The following ZNF827 variants were observed in gnomAD, a reference collection of about 807,000 sequenced individuals.
ZNF827 encodes the protein zinc finger protein 827.
In ZNF827, 13 loss-of-function variants were observed where a neutral mutation model predicts 102.4. That is an observed-to-expected ratio of 0.13 (90% CI 0.08 to 0.20). The LOEUF (loss-of-function observed/expected upper bound fraction) is 0.20, where lower values mean the gene tolerates loss of function less well. Among genes scored for constraint, ZNF827 ranks in the 10% least tolerant of loss-of-function variants. The pLI is 1.00. For missense variants in ZNF827, 1,103 were observed against 1,344.4 expected, an observed-to-expected ratio of 0.82 and a Z score of 2.81; for synonymous variants, 523 against 536.2, an observed-to-expected ratio of 0.98 and a Z score of 0.34.
intron 1 of ZNF827, among the ~76,000 whole-genome samples, chr4:145,912,709 T>A (rs922180375): frequency 1.3e-5 from 2 of 152,210 alleles, no homozygotes; most frequent in Admixed American, 1.3e-4. Context: ...TATGCTATCA[T>A]AAGCCTAGAA....
intron 8 of ZNF827, among the ~76,000 whole-genome samples, chr4:145,795,039 C>A (rs889563554): frequency 2.0e-5 from 3 of 152,234 alleles, no homozygotes; most frequent in Non-Finnish European, 2.9e-5. Flanking sequence ...CAGTCAGTGG[C>A]TGGCAGACAG....
chr4:145,774,837 G>A (rs971646575), intron 10 of ZNF827, among the ~76,000 whole-genome samples, 165 bp from the exon 11 acceptor site: 19 of 152,264 alleles, frequency 1.2e-4, no homozygotes, highest in Non-Finnish European at 2.1e-4. Context: ...TGCTTTCTGG[G>A]ATGCCTCTAA....
intron 4 of ZNF827, among the ~76,000 whole-genome samples, chr4:145,882,867 G>T (rs1047987599): frequency 6.6e-6 from 1 of 152,082 alleles, no homozygotes; most frequent in Non-Finnish European, 1.5e-5. Context: ...CCGTTATAAC[G>T]CCAAGGGACA....
At position 145,849,505 on chromosome 4, in the gene ZNF827, C is replaced by T. The variant is rs757994158; in HGVS notation, c.2038G>A (p.Asp680Asn). 1.9e-6 allele frequency: 3 copies of T among 1,614,208 alleles called. No individual in the cohort carries two copies. The highest frequency in any genetic ancestry group is 4.5e-5 in the East Asian group (2 of 44,874). ...VKIKEEPMEV[D>N]IQDSHVSISP... ...ATCGAGACATGGGAGTCCTGGATGT[C>T]AACCTCCATGGGTTCCTCTTTAATC... Residue 680 changes from aspartate to asparagine, a missense_variant, in exon 6 of 15, where the codon GAC becomes AAC. By Grantham distance (23) the Asp-to-Asn change is conservative. Transcript: ENST00000508784.
chr4:145,832,345 C>T (rs1293620093), intron 7 of ZNF827: 2 of 147,626 alleles, frequency 1.4e-5, no homozygotes, highest in Non-Finnish European at 3.0e-5. Flanking sequence ...AGAGCAAATA[C>T]AAATGTCTCC....
chr4:145,885,649 AG>A (rs1750054885), intron 4 of ZNF827, 28 bp downstream of exon 4: 7 of 1,486,564 alleles, frequency 4.7e-6, no homozygotes, highest in Middle Eastern at 1.8e-4. Context: ...AGAGAGAGAG[AG>A]AGAGAGAATA....
intron 3 of ZNF827, among the ~76,000 whole-genome samples, chr4:145,890,391 G>A (rs1750499909): frequency 6.6e-6 from 1 of 152,150 alleles, no homozygotes; most frequent in Admixed American, 6.5e-5. Flanking sequence ...CAAAGCCCTT[G>A]CAGCTCTCAT....
At chr4:145,845,917 C>T (rs375667896) in intron 7 of ZNF827, 39 bp downstream of exon 7, 1 of 1,611,736 alleles carries the variant, frequency 6.2e-7, no homozygotes, top group Non-Finnish European at 8.5e-7. Flanking sequence ...TGGTGGCCCA[C>T]ACGGGGTGTT....
At chr4:145,767,144 G>A (rs1735428930) in intron 11 of ZNF827, among the ~76,000 whole-genome samples, 1 of 152,130 alleles carries the variant, frequency 6.6e-6, no homozygotes, top group Non-Finnish European at 1.5e-5. Flanking sequence ...TCGCAGACAA[G>A]GACATTAAAA....
chr4:145,903,186 C>T lies in ZNF827; in HGVS notation c.73G>A (p.Glu25Lys). 6.2e-7 allele frequency: 1 copy of T among 1,611,616 alleles called. No homozygotes were observed. The highest frequency in any genetic ancestry group is 1.3e-5 in the African/African-American group (1 of 75,004). The change falls in exon 2 of 15, where the codon GAG (glutamate) becomes AAG (lysine). Residue 25 changes from glutamate to lysine, a missense_variant. Glu to Lys is a moderately conservative substitution (Grantham distance 56). Coordinates refer to ENST00000508784, the MANE Select transcript of ZNF827 (RefSeq NM_001306215.2). ...HVSRQEEAEGELSEGEHWYGN... is the reference protein window; with the variant it reads ...HVSRQEEAEGKLSEGEHWYGN... ...TACCAGTGTTCTCCTTCACTGAGCT[C>T]TCCCTCCGCCTCTTCCTGCCTACTA... is the stretch of plus-strand genomic sequence containing the variant.
At chr4:145,819,933 T>C (rs1255345369) in intron 8 of ZNF827, 1 of 152,270 alleles carries the variant, frequency 6.6e-6, no homozygotes, top group East Asian at 1.9e-4. Flanking sequence ...TCTGTGTTTA[T>C]TCTGTTTCTC....
Position 145,763,173 on chromosome 4 carries a change from A to C in ZNF827, c.3231-51T>G. On this transcript the variant is annotated intron_variant, in intron 13 of 14. Transcript: ENST00000508784. The surrounding 1 kb of genome is among the most constrained non-coding windows in gnomAD (Gnocchi z 4.6). ...TAATCTTATTTGATCTGCATTATGA[A>C]CAGGATATAGAGTACAAGCAGTTCC... 1 of 1,523,612 alleles carries C rather than the reference A, an allele frequency of 6.6e-7. No homozygotes were observed. The highest frequency in any genetic ancestry group is 2.0e-5 in the Admixed American group (1 of 50,856). 94.4% of individuals were successfully genotyped at this position (1,523,612 alleles called of 1,614,324 possible).
chr4:145,849,256 A>T (rs1365314640), intron 6 of ZNF827, 66 bp downstream of exon 6: 3 of 1,531,124 alleles, frequency 2.0e-6, no homozygotes, highest in Non-Finnish European at 2.6e-6. Flanking sequence ...TTTAAAAAAA[A>T]CTGTGTTAGA....
At chr4:145,931,960 G>A (rs1204241130) in intron 1 of ZNF827, among the ~76,000 whole-genome samples, 1 of 152,208 alleles carries the variant, frequency 6.6e-6, no homozygotes, top group Non-Finnish European at 1.5e-5. Flanking sequence ...TAGTATTAGA[G>A]ATGGGGCCTT....
At chr4:145,843,206 AG>A (rs1312682318) in intron 7 of ZNF827, among the ~76,000 whole-genome samples, 1 of 143,626 alleles carries the variant, frequency 7.0e-6, no homozygotes, top group Non-Finnish European at 1.5e-5. Flanking sequence ...TAATCAAGTA[AG>A]CTGCCTCTAC....
chr4:145,807,851 A>C (rs1741629830), intron 8 of ZNF827, among the ~76,000 whole-genome samples: 1 of 152,130 alleles, frequency 6.6e-6, no homozygotes, highest in Non-Finnish European at 1.5e-5. Flanking sequence ...AGGCATGGCA[A>C]GTCTTAGTAT....
Position 145,885,969 on chromosome 4 carries a change from G to A in ZNF827, c.1456C>T (p.Leu486=). The change falls in exon 4 of 15, where the codon CTG becomes TTG. Residue 486 remains leucine (L), a synonymous_variant. Coordinates refer to ENST00000508784, the MANE Select transcript of ZNF827 (RefSeq NM_001306215.2). ...GSPHLSDSAC[L]GQQREGGGTE... is the part of the protein sequence containing the mutation. ...CCTCCTCCTTCCCTTTGCTGCCCCA[G>A]GCAGGCACTGTCACTGAGGTGGGGA... 1 of 1,614,088 alleles carries A rather than the reference G, an allele frequency of 6.2e-7. No individual in the cohort carries two copies. The highest frequency in any genetic ancestry group is 8.5e-7 in the Non-Finnish European group (1 of 1,179,984).
chr4:145,785,155 G>A (rs1029911138), intron 8 of ZNF827, among the ~76,000 whole-genome samples: 1 of 152,200 alleles, frequency 6.6e-6, no homozygotes, highest in African/African-American at 2.4e-5. Flanking sequence ...AGTGTAAGGA[G>A]AACGATCTCA....
intron 8 of ZNF827, among the ~76,000 whole-genome samples, chr4:145,805,160 T>TGTGC (rs1203224601): frequency 6.6e-6 from 1 of 150,798 alleles, no homozygotes; most frequent in Non-Finnish European, 1.5e-5. Flanking sequence ...TGTGTGTGTG[T>TGTGC]GCATTTGTGT....
Sources: gnomAD v4.1 joint callset for allele counts (sites outside exome capture counted in the v4.1 genomes callset) on GRCh38, gnomAD v4.1.1 for gene constraint, Gnocchi (gnomAD v3.1) non-coding constraint, MANE v1.5 for transcripts, NCBI Gene and HGNC (gene_info 2026-07-23, HGNC 2026-07-21) for gene names.